FAM13B: variants seen among roughly 807,000 people sequenced by gnomAD.
FAM13B encodes the protein protein FAM13B.
FAM13B carries 60 observed loss-of-function variants against 117.3 expected under a neutral mutation model. The ratio of observed to expected loss-of-function variants is 0.51; its 90% CI spans 0.42 to 0.63. The LOEUF is 0.63. FAM13B is among the 30% of genes least tolerant of loss of function. The pLI, the probability that FAM13B is intolerant of heterozygous loss-of-function variation, is 0.00. For synonymous variants in FAM13B, 332 were observed against 356.1 expected (o/e 0.93, Z 0.76); for missense variants, 972 against 1,091.9 (o/e 0.89, Z 1.55).
chr5:138,019,276 C>CAT (rs1442274115), intron 2 of FAM13B, 130 bp from the exon 3 acceptor site: 6 of 737,842 alleles, frequency 8.1e-6, no homozygotes, highest in Non-Finnish European at 1.1e-5. Flanking sequence ...TTAGCAGGCC[C>CAT]ATAGTGTGTT....
At chr5:138,012,212 T>C (rs1210884061) in intron 4 of FAM13B, among the ~76,000 whole-genome samples, 1 of 118,922 alleles carries the variant, frequency 8.4e-6, no homozygotes, top group African/African-American at 3.2e-5. Context: ...TTGGCCCCAA[T>C]TCTCTTTTTT....
At chr5:137,954,088 G>A in intron 15 of FAM13B, 78 bp downstream of exon 15, 3 of 808,714 alleles carry the variant, frequency 3.7e-6, no homozygotes, top group Admixed American at 3.0e-5. Context: ...TTGAAGCCCA[G>A]GCTGGAAGAC....
At chr5:138,030,917 T>C (rs1789779289) in intron 1 of FAM13B, among the ~76,000 whole-genome samples, 1 of 151,608 alleles carries the variant, frequency 6.6e-6, no homozygotes, top group Admixed American at 6.6e-5. Context: ...CCGGTAGTCC[T>C]AGCTACTCGG....
In FAM13B at chr5:137,940,150, A is replaced by G; in HGVS notation, c.*75T>C. 1 of 1,613,802 alleles carries G rather than the reference A, an allele frequency of 6.2e-7. No individual in the cohort carries two copies. The highest frequency in any genetic ancestry group is 1.3e-5 in the African/African-American group (1 of 75,052). On this transcript the variant is annotated 3_prime_UTR_variant, in exon 24 of 24. Coordinates refer to ENST00000689681, the MANE Select transcript of FAM13B (RefSeq NM_001385994.1). ...AGTGCCTGACAAAACGAATTTAAGT[A>G]CCAGCCAAGTACACACGATGATAGC...
chr5:138,022,844 T>C (rs931126445), intron 1 of FAM13B, among the ~76,000 whole-genome samples: 2 of 151,932 alleles, frequency 1.3e-5, no homozygotes, highest in Non-Finnish European at 2.9e-5. Context: ...TTTTTTTTTT[T>C]TCGAGACAGG....
chr5:138,025,288 C>CATAT (rs67314207), intron 1 of FAM13B, among the ~76,000 whole-genome samples: 973 of 92,528 alleles, frequency 0.011, 10 homozygotes, highest in African/African-American at 0.03. Context: ...CAAACAAAGC[C>CATAT]ATATATATAT....
intron 6 of FAM13B, among the ~76,000 whole-genome samples, chr5:138,008,243 C>T (rs1436463082): frequency 6.6e-6 from 1 of 152,070 alleles, no homozygotes; most frequent in Non-Finnish European, 1.5e-5. Context: ...GAGTTCCAGA[C>T]CAGCCTGGGC....
At position 137,942,888 on chromosome 5, in the gene FAM13B, G is replaced by GTATACATACAT; in HGVS notation, c.2574_2575insATGTATGTATA (p.Arg859MetfsTer74). ...CAGCATACATACATAGAAGCTGCTC[G>GTATACATACAT]AGAACTTGACAATCGGAGATCCAGA... On this transcript the variant is annotated frameshift_variant, in exon 22 of 24. Transcript: ENST00000689681. LOFTEE classifies it high-confidence loss of function. 6.2e-7 allele frequency: 1 copy of GTATACATACAT among 1,608,274 alleles called. No individual in the cohort carries two copies. The highest frequency in any genetic ancestry group is 8.5e-7 in the Non-Finnish European group (1 of 1,178,674).
At chr5:137,992,524 G>A (rs1778874035) in intron 7 of FAM13B, among the ~76,000 whole-genome samples, 2 of 152,036 alleles carry the variant, frequency 1.3e-5, no homozygotes, top group Admixed American at 1.3e-4. Flanking sequence ...AACCCGGGAG[G>A]AAGAGGTTGT....
intron 1 of FAM13B, among the ~76,000 whole-genome samples, chr5:138,048,414 C>T (rs921734258): frequency 2.0e-4 from 31 of 152,156 alleles, no homozygotes; most frequent in South Asian, 8.3e-4. Context: ...GGTGTGACCC[C>T]GCACCCCTAG....
At chr5:138,036,157 T>C (rs1175198039), upstream of FAM13B, 1 of 349,824 alleles carries the variant, frequency 2.9e-6, no homozygotes, top group Non-Finnish European at 5.7e-6. Flanking sequence ...ATTCTCACTG[T>C]AGTTCTGTAT....
chr5:137,996,224 C>T (rs921627040), intron 7 of FAM13B, among the ~76,000 whole-genome samples: 10 of 152,178 alleles, frequency 6.6e-5, no homozygotes. Flanking sequence ...CAAGCTCTGC[C>T]TCCCGGGTTC....
intron 6 of FAM13B, 78 bp downstream of exon 6, chr5:138,010,930 G>A: frequency 7.8e-7 from 1 of 1,288,666 alleles, no homozygotes. Context: ...TTATGTCTGT[G>A]GCAAGTCTTT....
chr5:138,021,061 A>T lies in FAM13B; in HGVS notation c.-66T>A. The T allele has an allele frequency of 2.4e-6, 3 of 1,231,656 alleles. No individual in the cohort carries two copies. The highest frequency in any genetic ancestry group is 2.0e-6 in the Non-Finnish European group (2 of 987,928). The allele number at this position is 1,231,656 out of a possible 1,614,324, so 76.3% of individuals were successfully genotyped here. On this transcript the variant is annotated 5_prime_UTR_variant, in exon 2 of 24. Coordinates refer to ENST00000689681, the MANE Select transcript of FAM13B (RefSeq NM_001385994.1). ...AGTACTTAAATACCTAAGTTTAAAA[A>T]ATGGCTTCTGCACCAGCTACCCTCA...
At chr5:138,034,746 T>G (rs1790918238), upstream of FAM13B, among the ~76,000 whole-genome samples, 2 of 152,194 alleles carry the variant, frequency 1.3e-5, no homozygotes, top group Admixed American at 6.5e-5. Context: ...TGTATCTCTC[T>G]TTAAATATCT....
chr5:138,045,590 T>C (rs1791618913), intron 1 of FAM13B, among the ~76,000 whole-genome samples: 1 of 152,050 alleles, frequency 6.6e-6, no homozygotes, highest in African/African-American at 2.4e-5. Context: ...AACCGCATTG[T>C]TGAATCATAG....
intron 15 of FAM13B, 59 bp from the exon 16 acceptor site, chr5:137,953,524 T>C (rs1765613673): frequency 1.3e-6 from 2 of 1,562,966 alleles, no homozygotes. Flanking sequence ...CTGTATCTCT[T>C]ATTGCCCTGA....
intron 10 of FAM13B, among the ~76,000 whole-genome samples, chr5:137,983,477 A>G (rs1262464209): frequency 6.6e-6 from 1 of 152,194 alleles, no homozygotes; most frequent in Non-Finnish European, 1.5e-5. Context: ...AAGCAGAGAA[A>G]TCAGGGTGTA....
chr5:137,946,513 A>G (rs553391867), intron 18 of FAM13B: 1 of 480,950 alleles, frequency 2.1e-6, no homozygotes, highest in Admixed American at 3.9e-5. Flanking sequence ...TTGCTCTTAT[A>G]ATAAGTAGGT....
Sources: gnomAD v4.1 joint callset for allele counts (sites outside exome capture counted in the v4.1 genomes callset) on GRCh38, gnomAD v4.1.1 for gene constraint, MANE v1.5 for transcripts, NCBI Gene and HGNC (gene_info 2026-07-23, HGNC 2026-07-21) for gene names.